The following MYO1E variants were observed in gnomAD, a reference collection of about 807,000 sequenced individuals.
MYO1E encodes the protein unconventional myosin-Ie.
MYO1E carries 68 observed loss-of-function variants against 151.1 expected under a neutral mutation model. The observed-to-expected ratio is 0.45, with a 90% CI of 0.37 to 0.55. The LOEUF is 0.55. Ranked by LOEUF, MYO1E falls within the 20% of genes least tolerant of loss-of-function variation. The pLI is 0.00. For synonymous variants in MYO1E, 601 were observed against 501.7 expected (o/e 1.20, Z -2.64); for missense variants, 1,363 against 1,389.3 (o/e 0.98, Z 0.30).
intron 1 of MYO1E, among the ~76,000 whole-genome samples, chr15:59,284,078 G>A (rs1369500734): frequency 6.6e-6 from 1 of 152,256 alleles, no homozygotes; most frequent in Admixed American, 6.5e-5. Context: ...GAAGTTCCGT[G>A]CCCTGGAGTC....
intron 1 of MYO1E, among the ~76,000 whole-genome samples, chr15:59,366,149 T>C (rs1203298342): frequency 6.6e-5 from 10 of 152,182 alleles, no homozygotes; most frequent in African/African-American, 2.4e-4. Flanking sequence ...CTGGCTACTT[T>C]TGTATTTTTA....
intron 1 of MYO1E, among the ~76,000 whole-genome samples, chr15:59,319,549 CCT>C (rs2080611613): frequency 1.3e-5 from 1 of 77,430 alleles, no homozygotes; most frequent in Non-Finnish European, 2.5e-5. Flanking sequence ...AGTCAAACTA[CCT>C]TTTTTTTTTT....
At chr15:59,367,102 T>C (rs1184892525) in intron 1 of MYO1E, among the ~76,000 whole-genome samples, 1 of 151,722 alleles carries the variant, frequency 6.6e-6, no homozygotes, top group African/African-American at 2.4e-5. Context: ...ACCTTGCACT[T>C]ACACAGAAGA....
At chr15:59,352,289 C>G (rs528580622) in intron 1 of MYO1E, among the ~76,000 whole-genome samples, 2 of 152,124 alleles carry the variant, frequency 1.3e-5, no homozygotes, top group Admixed American at 6.5e-5. Flanking sequence ...TTGGCACGTC[C>G]CTAACCTTGG....
intron 23 of MYO1E, among the ~76,000 whole-genome samples, 195 bp downstream of exon 23, chr15:59,162,962 A>T (rs1349873313): frequency 6.6e-6 from 1 of 152,244 alleles, no homozygotes; most frequent in Non-Finnish European, 1.5e-5. Context: ...TTTCACAGAA[A>T]TGCAAAAGTA....
intron 13 of MYO1E, 95 bp from the exon 14 acceptor site, chr15:59,208,943 A>T: frequency 1.4e-6 from 2 of 1,428,800 alleles, no homozygotes; most frequent in East Asian, 4.7e-5. Flanking sequence ...ACAGCTCCCC[A>T]GACTTAAGAT....
At chr15:59,249,392 T>C (rs2140366131) in intron 4 of MYO1E, among the ~76,000 whole-genome samples, 1 of 142,460 alleles carries the variant, frequency 7.0e-6, no homozygotes, top group East Asian at 2.0e-4. Flanking sequence ...GCCATTGCAC[T>C]CCAGCCTGGT....
At chr15:59,347,047 C>T (rs2080798046) in intron 1 of MYO1E, among the ~76,000 whole-genome samples, 1 of 152,142 alleles carries the variant, frequency 6.6e-6, no homozygotes, top group Admixed American at 6.5e-5. Flanking sequence ...GTTACAAAGA[C>T]GTTCACCTTC....
intron 9 of MYO1E, among the ~76,000 whole-genome samples, chr15:59,220,968 GAT>G (rs1303107091): frequency 7.4e-6 from 1 of 135,798 alleles, no homozygotes; most frequent in Non-Finnish European, 1.6e-5. Context: ...CTTAGGAATT[GAT>G]ATAGCATCAT....
At position 59,157,786 on chromosome 15, in the gene MYO1E, C is replaced by T. The variant is rs142558009; in HGVS notation, c.2878+501G>A. Among the ~76,000 whole-genome samples, 7 of 152,296 alleles carry T rather than the reference C, an allele frequency of 4.6e-5. No homozygotes were observed. The East Asian group carries it at 1.2e-3, about 25-fold the overall frequency. On this transcript the variant is annotated intron_variant, in intron 25 of 27. Coordinates refer to ENST00000288235, the MANE Select transcript of MYO1E (RefSeq NM_004998.4). ...AAATTTCTGCTGGTTTTGTGGAAAA[C>T]TCAAACTGGAAAAGTATAGATAGGT...
In MYO1E at chr15:59,135,868, T is replaced by C. The variant is rs1325074149; in HGVS notation, c.*1512A>G. 2.0e-5 allele frequency: 3 copies of C among 152,168 alleles called. No individual in the cohort carries two copies. The highest frequency in any genetic ancestry group is 4.4e-5 in the Non-Finnish European group (3 of 68,030). The allele number at this position is 152,168 out of a possible 1,614,324, so 9.4% of individuals were successfully genotyped here. On this transcript the variant is annotated 3_prime_UTR_variant, in exon 28 of 28. Transcript: ENST00000288235. ...GCAGTCTCTACTTACAACCATTCCA[T>C]TATTGATGGGCATTACACTGATTCC...
rs16941087 is a variant in MYO1E, at chr15:59,164,331, C to T, written c.2481-1028G>A. The stretch of plus-strand genomic sequence containing the variant: ...GACAACCCTTTGAAGAATGAGATTT[C>T]GTTAGGGATTGTAAGCATTTTCCCA... On this transcript the variant is annotated intron_variant, in intron 22 of 27. Coordinates refer to ENST00000288235, the MANE Select transcript of MYO1E (RefSeq NM_004998.4). Among the ~76,000 whole-genome samples the T allele has an allele frequency of 7.8e-3, 1,194 of 152,282 alleles. 14 individuals carry two copies. Among genetic ancestry groups the T allele is most frequent in the African/African-American group, 0.027 (1,121 of 41,554 alleles).
intron 4 of MYO1E, among the ~76,000 whole-genome samples, chr15:59,242,575 G>C (rs2080106446): frequency 6.6e-6 from 1 of 152,184 alleles, no homozygotes; most frequent in East Asian, 1.9e-4. Flanking sequence ...AATGTGGAAG[G>C]AATGATGGAA....
At chr15:59,261,800 G>C (rs1185257107) in intron 2 of MYO1E, among the ~76,000 whole-genome samples, 1 of 152,112 alleles carries the variant, frequency 6.6e-6, no homozygotes, top group Non-Finnish European at 1.5e-5. Flanking sequence ...AAGGAGAAAA[G>C]AAAACAAAGG....
intron 1 of MYO1E, among the ~76,000 whole-genome samples, chr15:59,316,895 A>C (rs1360419223): frequency 1.3e-5 from 2 of 152,248 alleles, no homozygotes; most frequent in African/African-American, 4.8e-5. Context: ...AGTTGGTATT[A>C]GTAAGATACC....
At chr15:59,355,525 T>C (rs1448099514) in intron 1 of MYO1E, among the ~76,000 whole-genome samples, 1 of 152,198 alleles carries the variant, frequency 6.6e-6, no homozygotes, top group Non-Finnish European at 1.5e-5. Context: ...AATCTGCCAA[T>C]TTTTCACTTG....
chr15:59,247,318 T>C (rs945136574), intron 4 of MYO1E, among the ~76,000 whole-genome samples: 1 of 152,190 alleles, frequency 6.6e-6, no homozygotes, highest in Non-Finnish European at 1.5e-5. Context: ...CTATGGTATA[T>C]GGTAGCTATT....
chr15:59,152,002 A>C (rs2079483729), intron 26 of MYO1E, among the ~76,000 whole-genome samples: 1 of 151,686 alleles, frequency 6.6e-6, no homozygotes, highest in Non-Finnish European at 1.5e-5. Flanking sequence ...CGGGAGGCAG[A>C]GATTGCAGTG....
intron 1 of MYO1E, among the ~76,000 whole-genome samples, chr15:59,338,911 C>T (rs1312561097): frequency 1.3e-5 from 2 of 152,168 alleles, no homozygotes; most frequent in African/African-American, 4.8e-5. Context: ...GCAGGTGGAT[C>T]ACCTGAGGCC....
Sources: gnomAD v4.1 joint callset for allele counts (sites outside exome capture counted in the v4.1 genomes callset) on GRCh38, gnomAD v4.1.1 for gene constraint, MANE v1.5 for transcripts, NCBI Gene and HGNC (gene_info 2026-07-23, HGNC 2026-07-21) for gene names.